The following MAGI2 variants were observed in gnomAD, a reference collection of about 807,000 sequenced individuals.
MAGI2 encodes membrane associated guanylate kinase, WW and PDZ domain containing 2, also known as membrane-associated guanylate kinase, WW and PDZ domain-containing protein 2.
In MAGI2, 35 loss-of-function variants were observed where a neutral mutation model predicts 133.3. That is an observed-to-expected ratio of 0.26 (90% CI 0.20 to 0.35). MAGI2 has a LOEUF of 0.35. Ranked by LOEUF, MAGI2 falls within the 10% of genes least tolerant of loss-of-function variation. The pLI is 1.00. For missense variants in MAGI2, 1,636 were observed against 1,863.4 expected, an observed-to-expected ratio of 0.88 and a Z score of 2.25; for synonymous variants, 729 against 710.6, an observed-to-expected ratio of 1.03 and a Z score of -0.41.
At chr7:79,285,303 T>C (rs891175240) in intron 1 of MAGI2, among the ~76,000 whole-genome samples, 5 of 152,114 alleles carry the variant, frequency 3.3e-5, no homozygotes, top group African/African-American at 1.2e-4. Context: ...AACCAAAGAT[T>C]CTTTTTTAAA....
chr7:79,403,262 TTCTC>T (rs1845591211), intron 1 of MAGI2, among the ~76,000 whole-genome samples: 2 of 152,196 alleles, frequency 1.3e-5, no homozygotes, highest in South Asian at 2.1e-4. Flanking sequence ...GTTTACTGCT[TTCTC>T]TCTATGTCAA....
intron 1 of MAGI2, chr7:79,125,438 T>A: frequency 2.0e-6 from 1 of 496,848 alleles, no homozygotes; most frequent in South Asian, 1.5e-5. Context: ...TATAATGGAT[T>A]TGATAACGAT....
chr7:79,189,514 G>T (rs750713745), intron 1 of MAGI2, among the ~76,000 whole-genome samples: 1 of 151,276 alleles, frequency 6.6e-6, no homozygotes, highest in African/African-American at 2.4e-5. Context: ...AAAATTAAGC[G>T]GAACGTACAG....
chr7:79,050,549 A>AT (rs1584791929), intron 1 of MAGI2, among the ~76,000 whole-genome samples: 1 of 152,026 alleles, frequency 6.6e-6, no homozygotes. Context: ...TGCCTGGCTA[A>AT]TTTTTTTGTT....
intron 1 of MAGI2, among the ~76,000 whole-genome samples, chr7:79,053,708 C>T (rs780459472): frequency 6.7e-4 from 102 of 151,954 alleles, no homozygotes; most frequent in Admixed American, 1.3e-3. Context: ...CCACAGACTT[C>T]CATAATAATT....
intron 1 of MAGI2, among the ~76,000 whole-genome samples, chr7:79,108,929 G>A (rs922039079): frequency 1.3e-5 from 2 of 152,152 alleles, no homozygotes; most frequent in African/African-American, 4.8e-5. Flanking sequence ...CTTTAGTCAT[G>A]TGACATGCTG....
intron 2 of MAGI2, among the ~76,000 whole-genome samples, chr7:78,645,865 A>G (rs924704507): frequency 6.6e-6 from 1 of 151,950 alleles, no homozygotes; most frequent in Admixed American, 6.6e-5. Context: ...CGGCCACCCA[A>G]GTAGCTGGGA....
chr7:78,267,039 G>A (rs923033487), intron 9 of MAGI2, among the ~76,000 whole-genome samples: 1 of 152,150 alleles, frequency 6.6e-6, no homozygotes, highest in Non-Finnish European at 1.5e-5. Flanking sequence ...CTTGGTCGGA[G>A]AAGTGCTCAA....
At chr7:78,792,369 C>A (rs1046168902) in intron 2 of MAGI2, among the ~76,000 whole-genome samples, 1 of 152,108 alleles carries the variant, frequency 6.6e-6, no homozygotes, top group African/African-American at 2.4e-5. Flanking sequence ...ATGAACAACA[C>A]CTTATATAAT....
At chr7:78,125,673 A>G (rs1465501457) in intron 20 of MAGI2, 21 bp downstream of exon 20, 9 of 1,612,128 alleles carry the variant, frequency 5.6e-6, no homozygotes, top group Admixed American at 1.7e-5. Flanking sequence ...AAGCAATTCT[A>G]TAAAAAGAGA....
chr7:79,061,273 G>C (rs1813700322), intron 1 of MAGI2, among the ~76,000 whole-genome samples: 1 of 151,404 alleles, frequency 6.6e-6, no homozygotes, highest in Admixed American at 6.6e-5. Context: ...GGTGTGCTTT[G>C]AAGGTTGCTT....
chr7:79,297,927 G>A (rs1253823936), intron 1 of MAGI2, among the ~76,000 whole-genome samples: 4 of 152,190 alleles, frequency 2.6e-5, no homozygotes, highest in Non-Finnish European at 5.9e-5. Context: ...TACATTCCTA[G>A]TCAAAATTTA....
chr7:78,901,890 C>G (rs1797644171), intron 2 of MAGI2, among the ~76,000 whole-genome samples: 1 of 152,006 alleles, frequency 6.6e-6, no homozygotes, highest in African/African-American at 2.4e-5. Flanking sequence ...TTTCTATTTT[C>G]TCAGCACATA....
rs966253362 is a variant in MAGI2 at position 78,650,114 on chromosome 7, C to T, written c.419-22875G>A. Among the ~76,000 whole-genome samples the T allele has an allele frequency of 9.2e-5, 14 of 152,012 alleles. No homozygotes were observed. The East Asian group carries it at 2.1e-3, about 23-fold the overall frequency. On this transcript the variant is annotated intron_variant, in intron 2 of 21. Transcript: ENST00000354212. ...AGTAGGTAACTCAGTAACTCAAAAA[C>T]GGTTTTCTTTTTTCTATACCTTCTT...
intron 1 of MAGI2, among the ~76,000 whole-genome samples, chr7:79,371,849 C>A (rs568956906): frequency 1.3e-5 from 2 of 152,152 alleles, no homozygotes; most frequent in Non-Finnish European, 2.9e-5. Flanking sequence ...AGCTCATATT[C>A]CCAGTGATTT....
chr7:79,327,079 A>T (rs1392580659), intron 1 of MAGI2, among the ~76,000 whole-genome samples: 1 of 152,146 alleles, frequency 6.6e-6, no homozygotes, highest in Non-Finnish European at 1.5e-5. Flanking sequence ...CAGACTCTGG[A>T]GCCATACTTG....
intron 6 of MAGI2, among the ~76,000 whole-genome samples, chr7:78,482,146 A>T (rs924410431): frequency 1.3e-5 from 2 of 151,954 alleles, no homozygotes; most frequent in Non-Finnish European, 2.9e-5. Flanking sequence ...ATATAAAAAG[A>T]TGTGCAATAT....
intron 14 of MAGI2, among the ~76,000 whole-genome samples, chr7:78,169,843 G>A (rs1563210397): frequency 6.6e-6 from 1 of 152,068 alleles, no homozygotes; most frequent in Admixed American, 6.6e-5. Context: ...CCAGAAGTTG[G>A]GTATGCTCTG....
At chr7:78,512,530 C>G (rs966269941) in intron 4 of MAGI2, among the ~76,000 whole-genome samples, 1 of 152,166 alleles carries the variant, frequency 6.6e-6, no homozygotes. Flanking sequence ...CTCAGTCTCC[C>G]GAGTAACTGG....
Sources: gnomAD v4.1 joint callset for allele counts (sites outside exome capture counted in the v4.1 genomes callset) on GRCh38, gnomAD v4.1.1 for gene constraint, MANE v1.5 for transcripts, NCBI Gene and HGNC (gene_info 2026-07-23, HGNC 2026-07-21) for gene names.